Variants in CCDC13 observed in about 807,000 individuals in gnomAD.
The protein encoded by CCDC13 is coiled-coil domain-containing protein 13.
CCDC13 carries 70 observed loss-of-function variants against 87.3 expected under a neutral mutation model. The ratio of observed to expected loss-of-function variants is 0.80; its 90% CI spans 0.66 to 0.98. The LOEUF (loss-of-function observed/expected upper bound fraction) is 0.98. Among genes scored for constraint, CCDC13 ranks in the 50% least tolerant of loss-of-function variants. CCDC13 has a pLI of 0.00. For missense variants in CCDC13, 842 were observed against 892.0 expected, an observed-to-expected ratio of 0.94 and a Z score of 0.71; for synonymous variants, 317 against 360.3, an observed-to-expected ratio of 0.88 and a Z score of 1.36.
At chr3:42,742,353 A>ACCC (rs1699247567) in intron 8 of CCDC13, among the ~76,000 whole-genome samples, 1 of 152,148 alleles carries the variant, frequency 6.6e-6, no homozygotes, top group African/African-American at 2.4e-5. Flanking sequence ...AGTGAAGCCA[A>ACCC]CCCAGGAGAA....
intron 13 of CCDC13, among the ~76,000 whole-genome samples, chr3:42,728,593 T>G (rs78958646): frequency 0.018 from 2,782 of 152,328 alleles, 73 homozygotes; most frequent in African/African-American, 0.063. Flanking sequence ...TTTTGATGAT[T>G]GGCCAATTTA....
intron 1 of CCDC13, among the ~76,000 whole-genome samples, chr3:42,764,800 A>T (rs1303445480): frequency 6.6e-6 from 1 of 151,878 alleles, no homozygotes; most frequent in African/African-American, 2.4e-5. Context: ...CACTCTGTGG[A>T]CTCCCAGAAT....
At chr3:42,712,148 C>T (rs915197295) in intron 14 of CCDC13, among the ~76,000 whole-genome samples, 3 of 152,174 alleles carry the variant, frequency 2.0e-5, no homozygotes, top group African/African-American at 7.2e-5. Flanking sequence ...GTTCTGACCT[C>T]ATCTGGGCTG....
intron 4 of CCDC13, 85 bp downstream of exon 4, chr3:42,752,490 C>T (rs1001223240): frequency 8.4e-6 from 13 of 1,547,324 alleles, no homozygotes; most frequent in African/African-American, 1.4e-5. Flanking sequence ...TCAGCTCTCC[C>T]GGCTACATAT....
chr3:42,752,539 G>A, intron 4 of CCDC13, 36 bp downstream of exon 4: 2 of 1,612,970 alleles, frequency 1.2e-6, no homozygotes, highest in Non-Finnish European at 8.5e-7. Context: ...CATGCTAGGA[G>A]TCCCCTCCAG....
chr3:42,719,309 G>A (rs921227365), intron 13 of CCDC13: 5 of 151,108 alleles, frequency 3.3e-5, no homozygotes, highest in Admixed American at 6.6e-5. Context: ...TTTCAGTGTC[G>A]CTGCAATGGG....
Position 42,768,903 on chromosome 3 carries a change from T to A in CCDC13, c.-7+4273A>T, listed in dbSNP as rs549549533. 2.0e-5 allele frequency among the ~76,000 whole-genome samples: 3 copies of A among 152,166 alleles called. No homozygotes were observed. The East Asian group carries it at 5.8e-4, about 30-fold the overall frequency. Reference sequence around the variant, plus strand: ...CTGTAATCCCAGCACTTTGGGAGGCTGAGGTGGGTGGATCACCTGAGGTTG... The same window carrying A: ...CTGTAATCCCAGCACTTTGGGAGGCAGAGGTGGGTGGATCACCTGAGGTTG... On this transcript the variant is annotated intron_variant, in intron 1 of 15. Transcript: ENST00000310232.
chr3:42,772,723 T>TC (rs1270499790), intron 1 of CCDC13, among the ~76,000 whole-genome samples: 3 of 151,972 alleles, frequency 2.0e-5, no homozygotes, highest in Non-Finnish European at 4.4e-5. Flanking sequence ...GGAGGGGAAC[T>TC]CCCTCTTGCG....
At chr3:42,743,384 ATATTTATTTATTTATTTATT>A (rs66840281) in intron 7 of CCDC13, among the ~76,000 whole-genome samples, 60 of 131,780 alleles carry the variant, frequency 4.6e-4, no homozygotes, top group African/African-American at 1.6e-3. Context: ...TCAAGAAAGA[ATATTTATTTATTTATTTATT>A]TATTTATTTA....
chr3:42,726,119 A>C (rs1281724472), intron 13 of CCDC13, among the ~76,000 whole-genome samples: 1 of 152,120 alleles, frequency 6.6e-6, no homozygotes, highest in African/African-American at 2.4e-5. Flanking sequence ...ATCTTGGCTC[A>C]CTGCAACCTC....
chr3:42,760,596 G>A (rs532905761), intron 1 of CCDC13, among the ~76,000 whole-genome samples: 7 of 151,936 alleles, frequency 4.6e-5, no homozygotes, highest in African/African-American at 1.4e-4. Flanking sequence ...CAGCCTGGGC[G>A]AGGTTGCAGT....
chr3:42,733,745 C>G (rs753781924), intron 10 of CCDC13, 136 bp from the exon 11 acceptor site: 1 of 1,116,378 alleles, frequency 9.0e-7, no homozygotes, highest in South Asian at 1.8e-5. Context: ...AAAAGCGAGG[C>G]CTGTTTGGTG....
At chr3:42,750,622 C>A (rs1699551479) in intron 5 of CCDC13, among the ~76,000 whole-genome samples, 1 of 152,214 alleles carries the variant, frequency 6.6e-6, no homozygotes, top group African/African-American at 2.4e-5. Flanking sequence ...CGTTCGCCAC[C>A]ATGCCTGGCT....
chr3:42,745,714 G>T lies in CCDC13; in HGVS notation c.825+209C>A. Reference sequence around the variant, plus strand: ...CTCCAGTGCCTGGCATGTGCTAAGTGTTATATAAGAGCTTGTTCATTAAAT... The same window carrying T: ...CTCCAGTGCCTGGCATGTGCTAAGTTTTATATAAGAGCTTGTTCATTAAAT... On this transcript the variant is annotated intron_variant, in intron 7 of 15. Coordinates refer to ENST00000310232, the MANE Select transcript of CCDC13 (RefSeq NM_144719.4). 2 of 470,504 alleles carry T rather than the reference G, an allele frequency of 4.3e-6. 1 individual carries two copies. The highest frequency in any genetic ancestry group is 7.6e-6 in the Non-Finnish European group (2 of 262,178). The allele number at this position is 470,504 out of a possible 1,614,324, so 29.1% of individuals were successfully genotyped here.
chr3:42,770,314 T>A (rs1325066895), intron 1 of CCDC13, among the ~76,000 whole-genome samples: 2 of 152,164 alleles, frequency 1.3e-5, no homozygotes, highest in African/African-American at 4.8e-5. Context: ...TTTGAGAATC[T>A]TTATGTCTAG....
intron 1 of CCDC13, among the ~76,000 whole-genome samples, chr3:42,768,135 G>A (rs1699971011): frequency 6.6e-6 from 1 of 152,152 alleles, no homozygotes; most frequent in Non-Finnish European, 1.5e-5. Context: ...AGGCAATGGT[G>A]CTGGAACAAC....
chr3:42,749,641 G>A lies in CCDC13; in HGVS notation c.604-2268C>T, dbSNP rs560907572. Among the ~76,000 whole-genome samples, 8 of 152,366 alleles carry A rather than the reference G, an allele frequency of 5.3e-5. No individual in the cohort carries two copies. The South Asian group carries it at 1.7e-3, about 32-fold the overall frequency. On this transcript the variant is annotated intron_variant, in intron 5 of 15. Transcript: ENST00000310232. Reference sequence around the variant, plus strand: ...AGGCCCCGTCCTCCTAGCTTAGGCAGTTGAGCTAATCCTACCTCTAAGCCA... The same window carrying A: ...AGGCCCCGTCCTCCTAGCTTAGGCAATTGAGCTAATCCTACCTCTAAGCCA...
chr3:42,745,861 G>T, intron 7 of CCDC13, 62 bp downstream of exon 7: 2 of 1,364,304 alleles, frequency 1.5e-6, no homozygotes, highest in Non-Finnish European at 2.1e-6. Flanking sequence ...GGTCAGGGCA[G>T]CTCTTTCTGG....
intron 2 of CCDC13, among the ~76,000 whole-genome samples, 194 bp downstream of exon 2, chr3:42,757,931 T>C: frequency 6.6e-6 from 1 of 152,168 alleles, no homozygotes; most frequent in South Asian, 2.1e-4. Context: ...ATAATATGTA[T>C]TATAAAGCAT....
Sources: gnomAD v4.1 joint callset for allele counts (sites outside exome capture counted in the v4.1 genomes callset) on GRCh38, gnomAD v4.1.1 for gene constraint, MANE v1.5 for transcripts, NCBI Gene and HGNC (gene_info 2026-07-23, HGNC 2026-07-21) for gene names.